Variants in MRS2 observed in about 807,000 individuals in gnomAD.
MRS2 encodes magnesium transporter MRS2 homolog, mitochondrial.
In MRS2, 40 loss-of-function variants were observed where a neutral mutation model predicts 52.6. The observed-to-expected ratio is 0.76, with a 90% CI of 0.59 to 0.99. The LOEUF is 0.99. Ranked by LOEUF, MRS2 falls within the 50% of genes least tolerant of loss-of-function variation. The pLI is 0.00. For synonymous variants in MRS2, 193 were observed against 195.9 expected, an observed-to-expected ratio of 0.98 and a Z score of 0.13; for missense variants, 472 against 532.7, an observed-to-expected ratio of 0.89 and a Z score of 1.12.
At chr6:24,404,946 G>A (rs1761412880) in intron 1 of MRS2, among the ~76,000 whole-genome samples, 1 of 152,182 alleles carries the variant, frequency 6.6e-6, no homozygotes, top group South Asian at 2.1e-4. Context: ...TTATTTTAAT[G>A]CCTCACCTAA....
chr6:24,404,731 T>C (rs974385731), intron 1 of MRS2, among the ~76,000 whole-genome samples: 4 of 152,256 alleles, frequency 2.6e-5, no homozygotes, highest in African/African-American at 9.6e-5. Flanking sequence ...TCAACTGGAA[T>C]GCTTGAAAGA....
At position 24,415,113 on chromosome 6, in the gene MRS2, T is replaced by G; in HGVS notation, c.669T>G (p.His223Gln). ...ETLDALVDPKHSSVDRSKLHI... is the reference protein window; with the variant it reads ...ETLDALVDPKQSSVDRSKLHI... ...TGGATGCTTTGGTGGACCCCAAACATTCTTCTGTAGACAGAAGCAAACTGC... is the reference window on the plus strand; with the variant it reads ...TGGATGCTTTGGTGGACCCCAAACAGTCTTCTGTAGACAGAAGCAAACTGC... Residue 223 changes from histidine to glutamine, a missense_variant, in exon 6 of 11, where the codon CAT becomes CAG. By Grantham distance (24) the His-to-Gln change is conservative. Transcript: ENST00000378386. 6.2e-7 allele frequency: 1 copy of G among 1,611,432 alleles called. No homozygotes were observed. The highest frequency in any genetic ancestry group is 8.5e-7 in the Non-Finnish European group (1 of 1,178,050).
rs1762219751 is a variant in MRS2, at chr6:24,425,906, A to G, written c.*2212A>G. 1 of 152,198 alleles carries G rather than the reference A, an allele frequency of 6.6e-6. No individual in the cohort carries two copies. The allele number at this position is 152,198 out of a possible 1,614,324, so 9.4% of individuals were successfully genotyped here. ...TACAGCTTTATTTTTTGGAATTGCA[A>G]TATTAAAGTTGCACGTTGGATTTAA... On this transcript the variant is annotated 3_prime_UTR_variant, in exon 11 of 11. Coordinates refer to ENST00000378386, the MANE Select transcript of MRS2 (RefSeq NM_020662.4).
intron 5 of MRS2, among the ~76,000 whole-genome samples, chr6:24,413,359 C>G (rs1388894503): frequency 1.3e-5 from 2 of 152,046 alleles, no homozygotes; most frequent in African/African-American, 4.8e-5. Context: ...ATTCTTCTTC[C>G]TTTAAATGGG....
intron 9 of MRS2, among the ~76,000 whole-genome samples, chr6:24,422,154 C>T (rs552723336): frequency 1.3e-5 from 2 of 151,996 alleles, no homozygotes; most frequent in East Asian, 1.9e-4. Flanking sequence ...ATCTCAACAA[C>T]AACAAAAAGA....
At chr6:24,409,612 A>G (rs1440690246) in intron 4 of MRS2, 39 bp downstream of exon 4, 13 of 1,301,246 alleles carry the variant, frequency 1.0e-5, no homozygotes, top group African/African-American at 1.5e-5. Context: ...CTCCAATACA[A>G]TCTTATAAAA....
intron 5 of MRS2, among the ~76,000 whole-genome samples, chr6:24,413,817 G>A (rs369402056): frequency 6.6e-6 from 1 of 152,232 alleles, no homozygotes; most frequent in Non-Finnish European, 1.5e-5. Context: ...TTTACCGCTT[G>A]ATTTAGTTAG....
At chr6:24,406,329 G>A (rs557003988) in intron 2 of MRS2, among the ~76,000 whole-genome samples, 1 of 152,064 alleles carries the variant, frequency 6.6e-6, no homozygotes, top group South Asian at 2.1e-4. Context: ...CATATAGTAA[G>A]CCTCAAATAT....
At chr6:24,414,013 G>A (rs1761754572) in intron 5 of MRS2, among the ~76,000 whole-genome samples, 1 of 152,164 alleles carries the variant, frequency 6.6e-6, no homozygotes. Context: ...AAAGAGCTTT[G>A]TAGGAATTTT....
chr6:24,418,033 A>ACTCCCAAC, intron 7 of MRS2, 51 bp from the exon 8 acceptor site: 1 of 1,522,438 alleles, frequency 6.6e-7, no homozygotes, highest in Non-Finnish European at 8.9e-7. Flanking sequence ...GTCACTAAGT[A>ACTCCCAAC]TATGATACAC....
chr6:24,411,767 G>A (rs1761661965), intron 4 of MRS2, among the ~76,000 whole-genome samples: 2 of 151,944 alleles, frequency 1.3e-5, no homozygotes, highest in Admixed American at 6.6e-5. Context: ...TCGATCTCTT[G>A]ACCTCATGAT....
chr6:24,416,350 T>TGAAA, intron 6 of MRS2, 47 bp from the exon 7 acceptor site: 1 of 796,432 alleles, frequency 1.3e-6, no homozygotes, highest in Non-Finnish European at 2.2e-6. Flanking sequence ...TGAAATGTTC[T>TGAAA]TATAAGTTTA....
intron 2 of MRS2, among the ~76,000 whole-genome samples, chr6:24,407,836 T>C (rs1290212085): frequency 5.3e-5 from 8 of 152,206 alleles, no homozygotes; most frequent in Admixed American, 1.3e-4. Flanking sequence ...GGGGCTTCTC[T>C]GGTCCTCTGA....
intron 2 of MRS2, 45 bp downstream of exon 2, chr6:24,405,286 C>A: frequency 7.2e-7 from 1 of 1,397,028 alleles, no homozygotes; most frequent in Non-Finnish European, 1.0e-6. Flanking sequence ...AAGTGCTTCC[C>A]ATACATAAGT....
chr6:24,418,401 T>C (rs1761928394), intron 8 of MRS2, 60 bp from the exon 9 acceptor site: 11 of 1,603,122 alleles, frequency 6.9e-6, no homozygotes, highest in African/African-American at 2.7e-5. Context: ...ATAGATTTGA[T>C]GAATGTGCTG....
At chr6:24,411,275 A>T (rs1761641091) in intron 4 of MRS2, among the ~76,000 whole-genome samples, 1 of 152,124 alleles carries the variant, frequency 6.6e-6, no homozygotes, top group Non-Finnish European at 1.5e-5. Context: ...TATATCACTG[A>T]TAAAGTGGCT....
intron 5 of MRS2, among the ~76,000 whole-genome samples, chr6:24,414,527 T>C (rs1323154308): frequency 6.6e-6 from 1 of 152,094 alleles, no homozygotes; most frequent in African/African-American, 2.4e-5. Flanking sequence ...CAGAACAAAA[T>C]GGAGTCTCCT....
chr6:24,418,836 T>G, intron 9 of MRS2: 1 of 326,986 alleles, frequency 3.1e-6, no homozygotes, highest in Non-Finnish European at 5.8e-6. Flanking sequence ...GAGGCGGAGG[T>G]TGCAGTGAGC....
At chr6:24,419,305 AACTC>A (rs1240621392) in intron 9 of MRS2, 14 of 152,312 alleles carry the variant, frequency 9.2e-5, no homozygotes, top group African/African-American at 2.9e-4. Flanking sequence ...TATATAATGT[AACTC>A]ACAATTCAGG....
Sources: gnomAD v4.1 joint callset for allele counts (sites outside exome capture counted in the v4.1 genomes callset) on GRCh38, gnomAD v4.1.1 for gene constraint, MANE v1.5 for transcripts, NCBI Gene and HGNC (gene_info 2026-07-23, HGNC 2026-07-21) for gene names.